Variants in RORA observed in about 807,000 individuals in gnomAD.
RORA encodes RAR related orphan receptor A.
In RORA, 7 loss-of-function variants were observed where a neutral mutation model predicts 69.5. The ratio of observed to expected loss-of-function variants is 0.10; its 90% CI spans 0.06 to 0.19. The LOEUF (loss-of-function observed/expected upper bound fraction) is 0.19. RORA is among the 10% of genes least tolerant of loss of function. RORA has a pLI of 1.00. For synonymous variants in RORA, 261 were observed against 240.8 expected, an observed-to-expected ratio of 1.08 and a Z score of -0.78; for missense variants, 457 against 663.0, an observed-to-expected ratio of 0.69 and a Z score of 3.41.
In RORA at chr15:60,749,404, A is replaced by AT. The variant is rs541436712; in HGVS notation, c.167-70719dup. Among the ~76,000 whole-genome samples, 681 of 152,208 alleles carry AT rather than the reference A, an allele frequency of 4.5e-3. 3 individuals are homozygous for AT. Among genetic ancestry groups the AT allele is most frequent in the Non-Finnish European group, 7.4e-3 (504 of 68,006 alleles). On this transcript the variant is annotated intron_variant, in intron 1 of 10. Transcript: ENST00000335670. ...ATTAATGGGATTTCTGTAAATGCTT[A>AT]TTTTTTTCTAACTAATATTCTATGG...
chr15:60,980,971 AT>A (rs1253656778), intron 1 of RORA, among the ~76,000 whole-genome samples: 3 of 151,452 alleles, frequency 2.0e-5, no homozygotes, highest in Non-Finnish European at 4.4e-5. Flanking sequence ...TTGAGTTCAG[AT>A]TTTTTTTATG....
At chr15:60,864,714 T>A (rs1405150944) in intron 1 of RORA, among the ~76,000 whole-genome samples, 1 of 152,214 alleles carries the variant, frequency 6.6e-6, no homozygotes, top group East Asian at 1.9e-4. Context: ...GGATAATTCA[T>A]GTCCCTTATA....
At chr15:61,107,749 T>C (rs2078965441) in intron 1 of RORA, among the ~76,000 whole-genome samples, 1 of 151,988 alleles carries the variant, frequency 6.6e-6, no homozygotes, top group Non-Finnish European at 1.5e-5. Context: ...CATTAGAAAA[T>C]GCTTCTTTTT....
chr15:60,661,740 A>G (rs2070308006), intron 2 of RORA, among the ~76,000 whole-genome samples: 1 of 152,222 alleles, frequency 6.6e-6, no homozygotes, highest in Non-Finnish European at 1.5e-5. Context: ...CCCTGACTCC[A>G]TCAGAACCCG....
chr15:61,184,845 C>T (rs1250172430), intron 1 of RORA, among the ~76,000 whole-genome samples: 1 of 151,742 alleles, frequency 6.6e-6, no homozygotes, highest in Non-Finnish European at 1.5e-5. Flanking sequence ...ATTGGCTGGG[C>T]ATGGTGGCAT....
rs1438298921 is a variant in RORA at position 60,495,741 on chromosome 15, C to CCTAGTGCGA, written c.*1705_*1713dup. ...TTTGACCAGTAGTTTGAATCCCACC[C>CCTAGTGCGA]CTAGTGCGACTAAAATCATCGTCTA... On this transcript the variant is annotated 3_prime_UTR_variant, in exon 11 of 11. Coordinates refer to ENST00000335670, the MANE Select transcript of RORA (RefSeq NM_134261.3). 2 of 152,146 alleles carry CCTAGTGCGA rather than the reference C, an allele frequency of 1.3e-5. No individual in the cohort carries two copies. Among genetic ancestry groups the CCTAGTGCGA allele is most frequent in the African/African-American group, 4.8e-5 (2 of 41,422 alleles). 9.4% of individuals were successfully genotyped at this position (152,146 alleles called of 1,614,324 possible).
chr15:61,001,409 GA>G (rs1394400270), intron 1 of RORA, among the ~76,000 whole-genome samples: 1 of 149,396 alleles, frequency 6.7e-6, no homozygotes, highest in Non-Finnish European at 1.5e-5. Flanking sequence ...CTTTGAAGCT[GA>G]AATGTTAAGA....
intron 1 of RORA, among the ~76,000 whole-genome samples, chr15:60,978,034 A>C (rs879666709): frequency 1.3e-4 from 19 of 151,026 alleles, no homozygotes; most frequent in South Asian, 2.1e-4. Flanking sequence ...AGGTACTGCC[A>C]AACTGTTTTC....
intron 1 of RORA, among the ~76,000 whole-genome samples, chr15:61,081,114 G>A (rs1049216615): frequency 3.3e-5 from 5 of 152,110 alleles, no homozygotes; most frequent in African/African-American, 4.8e-5. Flanking sequence ...TCTGGTAAGC[G>A]CCATGGAGAG....
chr15:61,052,399 G>T (rs966490743), intron 1 of RORA, among the ~76,000 whole-genome samples: 1 of 152,212 alleles, frequency 6.6e-6, no homozygotes, highest in Non-Finnish European at 1.5e-5. Context: ...TTGCTCCTTT[G>T]AATTACAGTT....
chr15:61,191,986 T>C (rs2079804473), intron 1 of RORA, among the ~76,000 whole-genome samples: 1 of 152,256 alleles, frequency 6.6e-6, no homozygotes, highest in Admixed American at 6.5e-5. Flanking sequence ...ATCTAAACCT[T>C]GCTTAATGGT....
intron 1 of RORA, among the ~76,000 whole-genome samples, chr15:60,974,982 C>A (rs528666879): frequency 6.6e-6 from 1 of 152,266 alleles, no homozygotes; most frequent in African/African-American, 2.4e-5. Flanking sequence ...CAAGTGTGGA[C>A]CTGAAGAGGT....
chr15:61,130,958 A>G (rs2079185501), intron 1 of RORA, among the ~76,000 whole-genome samples: 2 of 152,234 alleles, frequency 1.3e-5, no homozygotes, highest in Admixed American at 1.3e-4. Flanking sequence ...CAATTCATCA[A>G]TAGTGGTGAA....
chr15:60,677,167 C>A (rs985774052), intron 2 of RORA: 32 of 455,920 alleles, frequency 7.0e-5, no homozygotes, highest in Non-Finnish European at 1.4e-4. Context: ...TAGAGTGGGT[C>A]CCTCCGGGCC....
intron 1 of RORA, among the ~76,000 whole-genome samples, chr15:60,756,233 C>T (rs573465614): frequency 6.6e-5 from 10 of 152,322 alleles, no homozygotes; most frequent in South Asian, 2.1e-4. Context: ...CATCACCTAC[C>T]TGTGCTCATG....
chr15:60,770,541 T>C (rs1174807917), intron 1 of RORA, among the ~76,000 whole-genome samples: 2 of 152,232 alleles, frequency 1.3e-5, no homozygotes, highest in Non-Finnish European at 2.9e-5. Context: ...ACCCCTTAGA[T>C]GGGGCATAAA....
At chr15:61,154,909 G>A (rs1427800304) in intron 1 of RORA, among the ~76,000 whole-genome samples, 3 of 152,184 alleles carry the variant, frequency 2.0e-5, no homozygotes, top group Non-Finnish European at 4.4e-5. Flanking sequence ...GTGAAAGGGA[G>A]GTCACCCGGG....
At position 60,985,582 on chromosome 15, in the gene RORA, CT is replaced by C. The variant is rs11451387; in HGVS notation, c.166+243470del. Among the ~76,000 whole-genome samples, 138 of 100,850 alleles carry C rather than the reference CT, an allele frequency of 1.4e-3. 2 individuals carry two copies. Among genetic ancestry groups the C allele is most frequent in the South Asian group, 7.8e-3 (23 of 2,956 alleles). The allele number at this position is 100,850 out of a possible 152,430, so 66.2% of individuals were successfully genotyped here. A position where few individuals can be genotyped will look rare whatever the true frequency, so the allele number is the denominator to read the frequency against. ...TTGTGCTAGGTAAGAAACTCATCCT[CT>C]TTTTTTTTTTTTTTTTTTTTGAGAT... On this transcript the variant is annotated intron_variant, in intron 1 of 10. Transcript: ENST00000335670.
intron 2 of RORA, among the ~76,000 whole-genome samples, chr15:60,565,382 G>T (rs572146410): frequency 6.6e-6 from 1 of 152,306 alleles, no homozygotes; most frequent in East Asian, 1.9e-4. Flanking sequence ...CACATTATAT[G>T]TAATCTGTTT....
Sources: gnomAD v4.1 joint callset for allele counts (sites outside exome capture counted in the v4.1 genomes callset) on GRCh38, gnomAD v4.1.1 for gene constraint, MANE v1.5 for transcripts, NCBI Gene and HGNC (gene_info 2026-07-23, HGNC 2026-07-21) for gene names.